IGDCC4: variants seen among roughly 807,000 people sequenced by gnomAD.
IGDCC4 encodes the protein likely ortholog of mouse neighbor of Punc E11.
Under a neutral mutation model 116.6 loss-of-function variants are expected in IGDCC4, and 72 were observed. That is an observed-to-expected ratio of 0.62 (90% CI 0.51 to 0.75). The LOEUF is 0.75. Ranked by LOEUF, IGDCC4 falls within the 30% of genes least tolerant of loss-of-function variation. IGDCC4 has a pLI of 0.00. For missense variants in IGDCC4, 1,501 were observed against 1,662.4 expected, an observed-to-expected ratio of 0.90 and a Z score of 1.69; for synonymous variants, 709 against 719.9, an observed-to-expected ratio of 0.98 and a Z score of 0.24.
At chr15:65,388,066 A>C (rs2091475553) in intron 16 of IGDCC4, among the ~76,000 whole-genome samples, 2 of 152,176 alleles carry the variant, frequency 1.3e-5, no homozygotes, top group South Asian at 4.1e-4. Context: ...CAACATGGTG[A>C]AATCCTGTCT....
At chr15:65,387,896 G>A (rs1304479247) in intron 16 of IGDCC4, among the ~76,000 whole-genome samples, 1 of 152,062 alleles carries the variant, frequency 6.6e-6, no homozygotes, top group Non-Finnish European at 1.5e-5. Context: ...GATCACCTGA[G>A]GTAAGGAGTT....
chr15:65,422,705 G>A (rs891599860), intron 1 of IGDCC4, 88 bp downstream of exon 1: 108 of 1,098,332 alleles, frequency 9.8e-5, no homozygotes, highest in Non-Finnish European at 1.2e-4. Context: ...ACTCCGGCTT[G>A]AGCCAGCCCC....
chr15:65,401,229 C>T (rs1275751634), intron 4 of IGDCC4, among the ~76,000 whole-genome samples: 2 of 152,206 alleles, frequency 1.3e-5, no homozygotes, highest in African/African-American at 4.8e-5. Context: ...ATGCAACCCA[C>T]CATCTAGGCA....
chr15:65,400,967 C>A (rs781214208), intron 4 of IGDCC4, 21 bp from the exon 5 acceptor site: 2 of 1,613,816 alleles, frequency 1.2e-6, no homozygotes, highest in Admixed American at 1.7e-5. Flanking sequence ...GACAGACCAG[C>A]AGGCAGCCTT....
In IGDCC4 at chr15:65,383,699, G is replaced by C; in HGVS notation, c.*310C>G. ...CCGTTCTGACCTGGAGGACCAATCA[G>C]GCTGTAGTGACCACTGCCTGGGCCA... is the stretch of plus-strand genomic sequence containing the variant. On this transcript the variant is annotated 3_prime_UTR_variant, in exon 20 of 20. Coordinates refer to ENST00000352385, the MANE Select transcript of IGDCC4 (RefSeq NM_020962.3). 3.6e-6 allele frequency: 1 copy of C among 277,642 alleles called. No individual in the cohort carries two copies. The highest frequency in any genetic ancestry group is 2.2e-5 in the African/African-American group (1 of 45,858). The allele number at this position is 277,642 out of a possible 1,614,324, so 17.2% of individuals were successfully genotyped here.
chr15:65,388,664 G>A (rs1037606374), intron 15 of IGDCC4, 78 bp from the exon 16 acceptor site: 1 of 1,603,098 alleles, frequency 6.2e-7, no homozygotes, highest in Middle Eastern at 1.7e-4. Flanking sequence ...GAGGGGACTG[G>A]GAGAGTCTGC....
chr15:65,410,997 C>A (rs540723278), intron 2 of IGDCC4, 23 bp downstream of exon 2: 4 of 1,576,712 alleles, frequency 2.5e-6, no homozygotes, highest in South Asian at 1.2e-5. Context: ...AGCCTCAGAC[C>A]CCCGCCCGAT....
Position 65,384,807 on chromosome 15 carries a change from A to G in IGDCC4, c.3342+147T>C. Reference sequence around the variant, plus strand: ...AACTGGCCTGCCCTCCACCTACTCAACCTTTGGAGGCTCCAGGGGTCTCCT... The same window carrying G: ...AACTGGCCTGCCCTCCACCTACTCAGCCTTTGGAGGCTCCAGGGGTCTCCT... On this transcript the variant is annotated intron_variant, in intron 19 of 19. Transcript: ENST00000352385. This position sits in a 1 kb window ranked among gnomAD's most constrained non-coding sequence, Gnocchi z 4.9. 1 of 1,089,744 alleles carries G rather than the reference A, an allele frequency of 9.2e-7. No individual in the cohort carries two copies. Among genetic ancestry groups the G allele is most frequent in the Non-Finnish European group, 1.3e-6 (1 of 780,460 alleles). 67.5% of individuals were successfully genotyped at this position (1,089,744 alleles called of 1,614,324 possible).
At chr15:65,388,723 A>T in intron 15 of IGDCC4, 85 bp downstream of exon 15, 2 of 1,600,204 alleles carry the variant, frequency 1.2e-6, no homozygotes, top group Non-Finnish European at 1.7e-6. Context: ...TAGCCCCTGG[A>T]ACAAACCCCA....
chr15:65,411,360 C>T lies in IGDCC4; in HGVS notation c.81G>A (p.Leu27=), dbSNP rs1241738570. ...FCLLAARGEL[L]LPQETTVELS... is the part of the protein sequence containing the mutation. ...GCTCCACAGTCGTCTCCTGGGGCAA[C>T]AGCAGCTCCCCTGCATAGAGGAGGA... The change falls in exon 2 of 20, where the codon CTG becomes CTA. Residue 27 remains leucine (L), a synonymous_variant. Transcript: ENST00000352385. The T allele has an allele frequency of 6.4e-7, 1 of 1,572,354 alleles. No individual in the cohort carries two copies. Among genetic ancestry groups the T allele is most frequent in the South Asian group, 1.2e-5 (1 of 84,052 alleles).
At chr15:65,396,777 G>A in intron 6 of IGDCC4, 57 bp downstream of exon 6, 2 of 1,536,328 alleles carry the variant, frequency 1.3e-6, no homozygotes, top group Middle Eastern at 4.2e-4. Context: ...ACCTCCCCCT[G>A]CTCTATTCAC....
intron 7 of IGDCC4, 46 bp from the exon 8 acceptor site, chr15:65,395,304 G>A (rs757446428): frequency 1.9e-6 from 3 of 1,565,398 alleles, no homozygotes; most frequent in African/African-American, 2.8e-5. Context: ...CCACCCCCCC[G>A]TGCTGGCTAG....
chr15:65,390,475 T>C (rs1261795122), intron 12 of IGDCC4, 137 bp from the exon 13 acceptor site: 2 of 625,306 alleles, frequency 3.2e-6, no homozygotes, highest in African/African-American at 3.6e-5. Context: ...TCATTCCTAC[T>C]TCACAGATAA....
At chr15:65,411,393 G>A in intron 1 of IGDCC4, 23 bp from the exon 2 acceptor site, 1 of 1,524,704 alleles carries the variant, frequency 6.6e-7, no homozygotes, top group African/African-American at 1.4e-5. Flanking sequence ...GGAGCACGGG[G>A]CCATCAGTGT....
At chr15:65,410,769 G>C (rs940852978) in intron 2 of IGDCC4, 1 of 536,494 alleles carries the variant, frequency 1.9e-6, no homozygotes, top group East Asian at 3.1e-5. Flanking sequence ...CACAAGCCCA[G>C]ACTCTAGGAC....
At chr15:65,394,304 C>T (rs2062896788) in intron 9 of IGDCC4, 107 bp downstream of exon 9, 8 of 1,544,578 alleles carry the variant, frequency 5.2e-6, no homozygotes, top group African/African-American at 1.4e-5. Flanking sequence ...CCCTACTCTG[C>T]TTCCTTTCCT....
intron 18 of IGDCC4, 84 bp from the exon 19 acceptor site, chr15:65,385,199 G>C: frequency 7.2e-7 from 1 of 1,381,020 alleles, no homozygotes. Flanking sequence ...AATTGGGATG[G>C]GCCGCGGGGG....
At chr15:65,420,885 C>T (rs2063183895) in intron 1 of IGDCC4, among the ~76,000 whole-genome samples, 1 of 152,164 alleles carries the variant, frequency 6.6e-6, no homozygotes, top group African/African-American at 2.4e-5. Context: ...CTTCAGGGGA[C>T]TTGTCAGTTT....
At chr15:65,408,698 G>C (rs2063062007) in intron 3 of IGDCC4, among the ~76,000 whole-genome samples, 1 of 152,138 alleles carries the variant, frequency 6.6e-6, no homozygotes, top group African/African-American at 2.4e-5. Context: ...GCCACGCTTT[G>C]GGAAACCACA....
Sources: allele counts gnomAD v4.1 joint callset (sites outside exome capture counted in the v4.1 genomes callset), GRCh38; gene constraint gnomAD v4.1.1; non-coding constraint Gnocchi (gnomAD v3.1); transcripts MANE v1.5; gene names NCBI Gene and HGNC (gene_info 2026-07-23, HGNC 2026-07-21).